IRAG2: variants seen among roughly 807,000 people sequenced by gnomAD.
IRAG2 encodes lymphoid restricted membrane protein.
Under a neutral mutation model 69.9 loss-of-function variants are expected in IRAG2, and 45 were observed. That is an observed-to-expected ratio of 0.64 (90% CI 0.51 to 0.83). The LOEUF is 0.83. Ranked by LOEUF, IRAG2 falls within the 40% of genes least tolerant of loss-of-function variation. IRAG2 has a pLI of 0.00. For missense variants in IRAG2, 520 were observed against 587.0 expected, an observed-to-expected ratio of 0.89 and a Z score of 1.18; for synonymous variants, 193 against 202.4, an observed-to-expected ratio of 0.95 and a Z score of 0.40.
At chr12:25,068,107 C>T (rs1376996766) in intron 5 of IRAG2, among the ~76,000 whole-genome samples, 1 of 152,142 alleles carries the variant, frequency 6.6e-6, no homozygotes, top group African/African-American at 2.4e-5. Flanking sequence ...TCCCAAAGTG[C>T]TGGGATTACA....
chr12:25,037,657 G>A (rs558057651), intron 15 of IRAG2, among the ~76,000 whole-genome samples: 1 of 152,292 alleles, frequency 6.6e-6, no homozygotes, highest in South Asian at 2.1e-4. Context: ...GTCCCATCCT[G>A]TTCTAAAGCA....
intron 14 of IRAG2, chr12:25,036,572 A>G (rs1472640595): frequency 1.0e-5 from 4 of 398,608 alleles, no homozygotes; most frequent in Non-Finnish European, 1.8e-5. Context: ...AAGATGTGGA[A>G]CTCTTTTTTC....
chr12:25,062,826 T>C lies in IRAG2; in HGVS notation c.-378T>C, dbSNP rs1591976566. Reference sequence around the variant, plus strand: ...TACCATTTTCTCTTGACAGAGCTTTTTAGATGAGGAATTTCCTCACTATGA... The same window carrying C: ...TACCATTTTCTCTTGACAGAGCTTTCTAGATGAGGAATTTCCTCACTATGA... On this transcript the variant is annotated 5_prime_UTR_variant, in exon 3 of 22. Coordinates refer to ENST00000556887, the MANE Select transcript of IRAG2 (RefSeq NM_001366544.2). The C allele has an allele frequency of 2.5e-6, 1 of 399,012 alleles. No individual in the cohort carries two copies. The highest frequency in any genetic ancestry group is 2.1e-5 in the African/African-American group (1 of 48,760). The allele number at this position is 399,012 out of a possible 1,614,324, so 24.7% of individuals were successfully genotyped here.
At chr12:25,059,518 A>AT (rs1260161055) in intron 1 of IRAG2, among the ~76,000 whole-genome samples, 1 of 151,806 alleles carries the variant, frequency 6.6e-6, no homozygotes, top group Non-Finnish European at 1.5e-5. Flanking sequence ...TGCCTGGCTA[A>AT]TTTTTTTGTA....
intron 20 of IRAG2, among the ~76,000 whole-genome samples, chr12:25,106,385 ATG>A (rs972216875): frequency 7.2e-5 from 10 of 138,828 alleles, no homozygotes; most frequent in African/African-American, 1.8e-4. Flanking sequence ...ATTATGGAAT[ATG>A]TGTGTATATA....
At chr12:25,020,849 T>G in exon 7 of IRAG2, 1 of 1,231,978 alleles carries the variant, frequency 8.1e-7, no homozygotes, top group Non-Finnish European at 1.0e-6. Flanking sequence ...GAACTGAAAC[T>G]TAGTATGAAT....
chr12:25,055,767 G>A (rs763551892), intron 1 of IRAG2, among the ~76,000 whole-genome samples: 40 of 152,036 alleles, frequency 2.6e-4, no homozygotes, highest in Non-Finnish European at 4.3e-4. Flanking sequence ...CATCCATGTC[G>A]CTACAAAGGA....
chr12:25,078,518 T>C (rs7954459), intron 6 of IRAG2, among the ~76,000 whole-genome samples: 7,362 of 152,302 alleles, frequency 0.048, 552 homozygotes, highest in African/African-American at 0.16. Flanking sequence ...TTTTCTAAAC[T>C]AAATCAAATA....
chr12:25,012,698 C>T (rs542232330), intron 3 of IRAG2, among the ~76,000 whole-genome samples: 3 of 152,044 alleles, frequency 2.0e-5, no homozygotes, highest in Non-Finnish European at 4.4e-5. Flanking sequence ...CGTGGTGGTT[C>T]ACGCCTGTGA....
At chr12:25,004,911 A>G in exon 1 of IRAG2, 1 of 1,229,452 alleles carries the variant, frequency 8.1e-7, no homozygotes, top group Non-Finnish European at 1.0e-6. Flanking sequence ...CTCTGAATGA[A>G]GATGGTAAAT....
intron 1 of IRAG2, among the ~76,000 whole-genome samples, chr12:25,053,716 G>C (rs988200522): frequency 1.3e-5 from 2 of 151,164 alleles, no homozygotes; most frequent in Non-Finnish European, 2.9e-5. Context: ...TGTTCTAGCA[G>C]TATAAATATT....
chr12:25,017,018 TAAAAA>T (rs200270514), intron 5 of IRAG2: 5 of 598,112 alleles, frequency 8.4e-6, no homozygotes, highest in Non-Finnish European at 1.2e-5. Flanking sequence ...AGGGTAAAGT[TAAAAA>T]AAAAAAAACT....
chr12:25,066,665 C>CT (rs781555051), intron 5 of IRAG2, among the ~76,000 whole-genome samples, 153 bp downstream of exon 5: 2,723 of 142,026 alleles, frequency 0.019, 33 homozygotes, highest in Middle Eastern at 0.063. Flanking sequence ...TTCTTTCTTT[C>CT]TTTTTTTTTT....
chr12:25,013,875 T>C (rs1252729016), intron 3 of IRAG2, among the ~76,000 whole-genome samples: 6 of 124,602 alleles, frequency 4.8e-5, no homozygotes, highest in African/African-American at 1.5e-4. Context: ...TCTTTTTTTT[T>C]TTTTTTTTTT....
chr12:25,074,802 C>A (rs964101525), intron 6 of IRAG2, among the ~76,000 whole-genome samples: 1 of 152,150 alleles, frequency 6.6e-6, no homozygotes, highest in Non-Finnish European at 1.5e-5. Context: ...TCTCTCTTTG[C>A]GTTATCCTTC....
intron 21 of IRAG2, 69 bp from the exon 22 acceptor site, chr12:25,107,748 T>A: frequency 6.9e-7 from 1 of 1,451,724 alleles, no homozygotes; most frequent in Non-Finnish European, 9.6e-7. Flanking sequence ...TGACTGGTGG[T>A]GTTAGCAAAA....
intron 2 of IRAG2, among the ~76,000 whole-genome samples, chr12:25,009,688 T>C (rs757472814): frequency 1.1e-4 from 16 of 152,096 alleles, no homozygotes; most frequent in Non-Finnish European, 1.6e-4. Context: ...AACAGTTTGG[T>C]CCCATTCCAA....
At chr12:25,033,030 C>T (rs1397169281) in intron 12 of IRAG2, among the ~76,000 whole-genome samples, 15 of 151,470 alleles carry the variant, frequency 9.9e-5, no homozygotes, top group Non-Finnish European at 7.4e-5. Flanking sequence ...GATCTCGGCC[C>T]GCTGCAACCT....
At chr12:25,004,268 C>T (rs1017731996), upstream of IRAG2, 9 of 1,035,526 alleles carry the variant, frequency 8.7e-6, no homozygotes, top group East Asian at 3.2e-5. Context: ...TAGGAAAATA[C>T]TGACTTTTAA....
Sources: allele counts gnomAD v4.1 joint callset (sites outside exome capture counted in the v4.1 genomes callset), GRCh38; gene constraint gnomAD v4.1.1; transcripts MANE v1.5; gene names NCBI Gene and HGNC (gene_info 2026-07-23, HGNC 2026-07-21).